The following ITGAV variants were observed in gnomAD, a reference collection of about 807,000 sequenced individuals.
ITGAV encodes integrin alpha-V.
A neutral mutation model predicts 143.8 loss-of-function variants in ITGAV; 76 were observed. The ratio of observed to expected loss-of-function variants is 0.53; its 90% CI spans 0.44 to 0.64. The LOEUF (loss-of-function observed/expected upper bound fraction) is 0.64, where lower values mean the gene tolerates loss of function less well. ITGAV is among the 30% of genes least tolerant of loss of function. The probability of loss-of-function intolerance (pLI) is 0.00; values close to 1 mark genes in which losing one functional copy is unlikely to be tolerated. For synonymous variants in ITGAV, 453 were observed against 446.7 expected (o/e 1.01, Z -0.18); for missense variants, 1,193 against 1,274.7 (o/e 0.94, Z 0.98).
At chr2:186,631,527 G>A (rs1687814645) in intron 5 of ITGAV, among the ~76,000 whole-genome samples, 1 of 151,854 alleles carries the variant, frequency 6.6e-6, no homozygotes, top group African/African-American at 2.4e-5. Context: ...TGGTGGTGGG[G>A]GAGTATGCAC....
At chr2:186,624,372 T>C (rs557273163) in intron 3 of ITGAV, among the ~76,000 whole-genome samples, 3 of 152,238 alleles carry the variant, frequency 2.0e-5, no homozygotes, top group African/African-American at 7.2e-5. Context: ...TAGCAGACTT[T>C]AAAGGATGTG....
At chr2:186,650,127 GTAAT>G (rs899710092) in intron 14 of ITGAV, among the ~76,000 whole-genome samples, 10 of 152,168 alleles carry the variant, frequency 6.6e-5, no homozygotes, top group African/African-American at 2.4e-4. Flanking sequence ...TCAAATCAGA[GTAAT>G]TAGGATATTC....
chr2:186,616,827 G>A (rs1254975225), intron 2 of ITGAV, among the ~76,000 whole-genome samples: 1 of 151,650 alleles, frequency 6.6e-6, no homozygotes, highest in Non-Finnish European at 1.5e-5. Context: ...TAAATTAATG[G>A]ATAATCTAAG....
At chr2:186,640,232 CTG>C (rs1270141167) in intron 10 of ITGAV, among the ~76,000 whole-genome samples, 1 of 152,176 alleles carries the variant, frequency 6.6e-6, no homozygotes, top group Non-Finnish European at 1.5e-5. Flanking sequence ...CTATGCAAGC[CTG>C]TGGTCTCCTG....
intron 1 of ITGAV, among the ~76,000 whole-genome samples, chr2:186,596,325 T>C (rs1038606601): frequency 1.3e-5 from 2 of 152,250 alleles, no homozygotes; most frequent in Admixed American, 1.3e-4. Context: ...ATTTTTTTTC[T>C]GGTCTGTCAG....
In ITGAV at chr2:186,667,787, G is replaced by A; in HGVS notation, c.2433+11G>A. On this transcript the variant is annotated intron_variant, in intron 24 of 29. Coordinates refer to ENST00000261023, the MANE Select transcript of ITGAV (RefSeq NM_002210.5). ...CAGCACATCTATGAGGTTTGCAGTT[G>A]TTAGATTTTACTCAAACCTCGTGAG... The A allele has an allele frequency of 6.4e-7, 1 of 1,561,950 alleles. No homozygotes were observed. Among genetic ancestry groups the A allele is most frequent in the Non-Finnish European group, 8.7e-7 (1 of 1,143,172 alleles).
At chr2:186,643,183 T>G (rs1574485913) in intron 12 of ITGAV, among the ~76,000 whole-genome samples, 1 of 152,226 alleles carries the variant, frequency 6.6e-6, no homozygotes, top group Non-Finnish European at 1.5e-5. Context: ...AAAGAAAGTT[T>G]TCTCATTACT....
chr2:186,634,450 C>T (rs1231601452), intron 6 of ITGAV, among the ~76,000 whole-genome samples: 1 of 66,020 alleles, frequency 1.5e-5, no homozygotes, highest in Non-Finnish European at 2.7e-5. Context: ...TCCTGACTTG[C>T]TTCTTTGTAG....
intron 28 of ITGAV, chr2:186,676,286 T>C: frequency 5.4e-6 from 1 of 184,578 alleles, no homozygotes; most frequent in Non-Finnish European, 1.1e-5. Flanking sequence ...CAGCACATAG[T>C]AAACTGGATT....
In ITGAV at chr2:186,676,847, C is replaced by T. The variant is rs200757637; in HGVS notation, c.2963C>T (p.Ala988Val). Residue 988 changes from alanine to valine, a missense_variant, in exon 29 of 30, where the codon GCG becomes GTG. Coordinates refer to ENST00000261023, the MANE Select transcript of ITGAV (RefSeq NM_002210.5). ...TTNVTWGIQP[A>V]PMPVPVWVII... The stretch of plus-strand genomic sequence containing the variant: ...AATGTCACCTGGGGCATTCAGCCAG[C>T]GCCCATGCCTGTGCCTGTGTGGGTG... The T allele has an allele frequency of 5.9e-5, 95 of 1,613,836 alleles. No homozygotes were observed. The highest frequency in any genetic ancestry group is 1.6e-4 in the Middle Eastern group (1 of 6,084).
At chr2:186,609,211 C>T (rs1403846145) in intron 2 of ITGAV, among the ~76,000 whole-genome samples, 3 of 152,070 alleles carry the variant, frequency 2.0e-5, no homozygotes, top group Non-Finnish European at 4.4e-5. Flanking sequence ...GCAAATAACC[C>T]TTTTTATCTG....
chr2:186,595,321 G>A (rs1430919732), intron 1 of ITGAV, among the ~76,000 whole-genome samples: 5 of 152,194 alleles, frequency 3.3e-5, no homozygotes, highest in African/African-American at 1.2e-4. Flanking sequence ...ACTTGTCATT[G>A]TTTGGCAGGT....
chr2:186,654,495 T>C (rs1688527248), intron 15 of ITGAV, among the ~76,000 whole-genome samples, 155 bp from the exon 16 acceptor site: 1 of 152,164 alleles, frequency 6.6e-6, no homozygotes, highest in Admixed American at 6.5e-5. Context: ...GGTTAGTGTA[T>C]ATAGTTTCAT....
At chr2:186,660,923 AATCTCTTTTTAAGC>A (rs1343507324) in intron 18 of ITGAV, among the ~76,000 whole-genome samples, 2 of 152,026 alleles carry the variant, frequency 1.3e-5, no homozygotes, top group Admixed American at 6.6e-5. Context: ...TCTGTGTCCT[AATCTCTTTTTAAGC>A]ATCAGTCATT....
At chr2:186,665,007 T>G (rs1688849498) in intron 20 of ITGAV, 119 bp from the exon 21 acceptor site, 5 of 683,316 alleles carry the variant, frequency 7.3e-6, no homozygotes, top group Non-Finnish European at 1.2e-5. Flanking sequence ...GCTTTTTCCT[T>G]ACCTCCTGGT....
In ITGAV at chr2:186,656,120, T is replaced by C. The variant is rs1688576383; in HGVS notation, c.1565-127T>C. Reference sequence around the variant, plus strand: ...GTAGTCTCATTACAATGTAATGACATTTTAAATTAATTAGAAGCAATTTAC... The same window carrying C: ...GTAGTCTCATTACAATGTAATGACACTTTAAATTAATTAGAAGCAATTTAC... On this transcript the variant is annotated intron_variant, in intron 16 of 29. Transcript: ENST00000261023. The C allele has an allele frequency of 6.9e-6, 4 of 577,886 alleles. No homozygotes were observed. In the African/African-American group the frequency reaches 7.9e-5, roughly 11 times the overall value. The allele number at this position is 577,886 out of a possible 1,614,324, so 35.8% of individuals were successfully genotyped here. A position where few individuals can be genotyped will look rare whatever the true frequency, so the allele number is the denominator to read the frequency against.
chr2:186,675,711 T>C lies in ITGAV; in HGVS notation c.2814T>C (p.Phe938=). Residue 938 remains phenylalanine (F), a synonymous_variant, in exon 27 of 30, where the codon TTT becomes TTC. Coordinates refer to ENST00000261023, the MANE Select transcript of ITGAV (RefSeq NM_002210.5). ...YVKSLLWTET[F]MNKENQNHSY... is the part of the protein sequence containing the mutation. ...AGTCATTACTGTGGACTGAGACTTT[T>C]ATGAATGTAAGTAGACAGGTGCAGC... 1 of 1,608,906 alleles carries C rather than the reference T, an allele frequency of 6.2e-7. No individual in the cohort carries two copies. The highest frequency in any genetic ancestry group is 2.2e-5 in the East Asian group (1 of 44,838).
intron 12 of ITGAV, among the ~76,000 whole-genome samples, chr2:186,643,696 T>C (rs993598688): frequency 2.0e-5 from 3 of 152,060 alleles, no homozygotes; most frequent in Non-Finnish European, 4.4e-5. Context: ...CAGTTTTTTA[T>C]CAGTACTTTT....
intron 18 of ITGAV, among the ~76,000 whole-genome samples, chr2:186,660,013 GTTGA>G (rs1688701373): frequency 6.6e-6 from 1 of 151,802 alleles, no homozygotes; most frequent in African/African-American, 2.4e-5. Context: ...ACAATATTAT[GTTGA>G]TTAATAGTTT....
Sources: gnomAD v4.1 joint callset for allele counts (sites outside exome capture counted in the v4.1 genomes callset) on GRCh38, gnomAD v4.1.1 for gene constraint, MANE v1.5 for transcripts, NCBI Gene and HGNC (gene_info 2026-07-23, HGNC 2026-07-21) for gene names.